The following ASIC2 variants were observed in gnomAD, a reference collection of about 807,000 sequenced individuals.
ASIC2 encodes the protein acid sensing ion channel subunit 2, also known as acid-sensing ion channel 2.
Under a neutral mutation model 57.3 loss-of-function variants are expected in ASIC2, and 25 were observed. The ratio of observed to expected loss-of-function variants is 0.44; its 90% CI spans 0.32 to 0.61. The LOEUF (loss-of-function observed/expected upper bound fraction) is 0.61. Ranked by LOEUF, ASIC2 falls within the 20% of genes least tolerant of loss-of-function variation. The probability of loss-of-function intolerance (pLI) is 0.06; values close to 1 mark genes in which losing one functional copy is unlikely to be tolerated. For missense variants in ASIC2, 641 were observed against 738.1 expected (o/e 0.87, Z 1.52); for synonymous variants, 319 against 307.5 (o/e 1.04, Z -0.39).
intron 1 of ASIC2, among the ~76,000 whole-genome samples, chr17:33,940,448 G>T (rs1916163007): frequency 6.6e-6 from 1 of 152,150 alleles, no homozygotes; most frequent in Non-Finnish European, 1.5e-5. Context: ...GGGCCTAAAG[G>T]CAGAGCATGG....
intron 1 of ASIC2, among the ~76,000 whole-genome samples, chr17:33,256,484 A>C (rs559255362): frequency 6.6e-6 from 1 of 152,190 alleles, no homozygotes; most frequent in Non-Finnish European, 1.5e-5. Flanking sequence ...AACCATGTGC[A>C]TGTATGACTT....
chr17:33,569,866 C>T (rs1916373763), intron 1 of ASIC2, among the ~76,000 whole-genome samples: 1 of 152,182 alleles, frequency 6.6e-6, no homozygotes, highest in Admixed American at 6.5e-5. Flanking sequence ...AGCAAAGTTG[C>T]CTGTCTTAGC....
chr17:34,024,579 G>T (rs939331032), intron 1 of ASIC2, among the ~76,000 whole-genome samples: 1 of 152,202 alleles, frequency 6.6e-6, no homozygotes, highest in Non-Finnish European at 1.5e-5. Context: ...AAGAGAAATG[G>T]CTGGAGTGGA....
upstream of ASIC2, among the ~76,000 whole-genome samples, chr17:33,296,777 T>G (rs1271978648): frequency 3.3e-5 from 5 of 152,240 alleles, no homozygotes; most frequent in Admixed American, 6.5e-5. Context: ...GTAATACAAT[T>G]TTCAGAGCTG....
intron 1 of ASIC2, among the ~76,000 whole-genome samples, chr17:33,561,727 C>A (rs974329483): frequency 6.8e-6 from 1 of 147,652 alleles, no homozygotes; most frequent in African/African-American, 2.7e-5. Flanking sequence ...CAGGCAGGAG[C>A]CTGGAAAAAA....
At chr17:33,225,763 G>T (rs1249569804) in intron 1 of ASIC2, among the ~76,000 whole-genome samples, 1 of 152,194 alleles carries the variant, frequency 6.6e-6, no homozygotes, top group African/African-American at 2.4e-5. Context: ...GGCAACACTG[G>T]CCATAGTCTT....
intron 1 of ASIC2, among the ~76,000 whole-genome samples, chr17:33,768,485 A>G (rs1911000699): frequency 6.6e-6 from 1 of 152,070 alleles, no homozygotes; most frequent in African/African-American, 2.4e-5. Context: ...CAAGCTGAGG[A>G]GGTGTGATGG....
chr17:34,141,735 G>A (rs772795518), intron 1 of ASIC2, among the ~76,000 whole-genome samples: 3 of 152,122 alleles, frequency 2.0e-5, no homozygotes, highest in South Asian at 4.2e-4. Flanking sequence ...ACTGAAATAC[G>A]CCTCTCTGCA....
intron 3 of ASIC2, among the ~76,000 whole-genome samples, chr17:33,053,618 A>AC (rs1295397516): frequency 6.6e-6 from 1 of 151,882 alleles, no homozygotes; most frequent in Non-Finnish European, 1.5e-5. Context: ...CTCCAATCTG[A>AC]CCCCCACCTG....
At chr17:33,788,975 T>C (rs916168446) in intron 1 of ASIC2, among the ~76,000 whole-genome samples, 1 of 152,182 alleles carries the variant, frequency 6.6e-6, no homozygotes, top group African/African-American at 2.4e-5. Context: ...GACACACGTA[T>C]ACCTATGTAA....
At chr17:33,994,389 C>T (rs764085511) in intron 1 of ASIC2, among the ~76,000 whole-genome samples, 6 of 152,140 alleles carry the variant, frequency 3.9e-5, no homozygotes, top group Non-Finnish European at 8.8e-5. Context: ...GTCACTTGGA[C>T]ATGACCAAAG....
At chr17:34,043,564 ATAGTTTGCATGGTC>A (rs1270749289) in intron 1 of ASIC2, among the ~76,000 whole-genome samples, 2 of 152,232 alleles carry the variant, frequency 1.3e-5, no homozygotes, top group African/African-American at 4.8e-5. Flanking sequence ...TTTAGAATTT[ATAGTTTGCATGGTC>A]ACAATTCTGC....
chr17:33,251,896 T>C (rs1173153841), intron 1 of ASIC2, among the ~76,000 whole-genome samples: 2 of 152,236 alleles, frequency 1.3e-5, no homozygotes, highest in Non-Finnish European at 2.9e-5. Context: ...GTACTAAGAA[T>C]GATCCCTTGT....
chr17:33,693,777 T>A (rs1054331469), intron 1 of ASIC2, among the ~76,000 whole-genome samples: 2 of 152,148 alleles, frequency 1.3e-5, no homozygotes, highest in Non-Finnish European at 2.9e-5. Context: ...TAGGTCAAGG[T>A]CAAGGTGAAT....
chr17:33,130,601 A>AC (rs1473486112), intron 1 of ASIC2, among the ~76,000 whole-genome samples: 3 of 151,918 alleles, frequency 2.0e-5, no homozygotes, highest in African/African-American at 7.3e-5. Flanking sequence ...CAACTCCCCA[A>AC]CCCCCCAAGA....
At chr17:33,539,661 G>A (rs953823850) in intron 1 of ASIC2, among the ~76,000 whole-genome samples, 1 of 152,162 alleles carries the variant, frequency 6.6e-6, no homozygotes, top group Non-Finnish European at 1.5e-5. Flanking sequence ...CGTGCAGCAC[G>A]TTCACAATTG....
intron 1 of ASIC2, among the ~76,000 whole-genome samples, chr17:33,786,412 A>T (rs1156914366): frequency 2.6e-5 from 4 of 151,902 alleles, no homozygotes; most frequent in African/African-American, 7.3e-5. Context: ...ATGATGAATT[A>T]AAAAAAAGAA....
chr17:33,102,765 T>G (rs2092216789), intron 2 of ASIC2, among the ~76,000 whole-genome samples: 1 of 152,102 alleles, frequency 6.6e-6, no homozygotes. Context: ...ATTTTAAATT[T>G]ATTTGTTTGT....
chr17:33,089,074 G>T (rs2092147626), intron 2 of ASIC2, 84 bp from the exon 3 acceptor site: 2 of 1,556,756 alleles, frequency 1.3e-6, no homozygotes, highest in African/African-American at 1.4e-5. Flanking sequence ...TCAAAGGGAT[G>T]CTGAAAAGAC....
Sources: allele counts gnomAD v4.1 joint callset (sites outside exome capture counted in the v4.1 genomes callset), GRCh38; gene constraint gnomAD v4.1.1; transcripts MANE v1.5; gene names NCBI Gene and HGNC (gene_info 2026-07-23, HGNC 2026-07-21).